ERG: variants seen among roughly 807,000 people sequenced by gnomAD.
The protein encoded by ERG is transcriptional regulator ERG.
Under a neutral mutation model 55.3 loss-of-function variants are expected in ERG, and 9 were observed. The ratio of observed to expected loss-of-function variants is 0.16; its 90% CI spans 0.10 to 0.28. The LOEUF (loss-of-function observed/expected upper bound fraction) is 0.28. Ranked by LOEUF, ERG falls within the 10% of genes least tolerant of loss-of-function variation. ERG has a pLI of 1.00. For synonymous variants in ERG, 223 were observed against 237.3 expected (o/e 0.94, Z 0.55); for missense variants, 434 against 631.6 (o/e 0.69, Z 3.35).
chr21:38,379,696 T>C (rs1987340067), downstream of ERG, among the ~76,000 whole-genome samples: 2 of 152,226 alleles, frequency 1.3e-5, no homozygotes, highest in African/African-American at 4.8e-5. Context: ...TAGAAAAGTT[T>C]ATCTAGTTGT....
intron 1 of ERG, among the ~76,000 whole-genome samples, chr21:38,661,349 C>G (rs2060555178): frequency 6.6e-6 from 1 of 152,218 alleles, no homozygotes. Context: ...GCGGACTGCC[C>G]TCGATGCTGA....
At position 38,594,652 on chromosome 21, in the gene ERG, G is replaced by C. The variant is rs538911147; in HGVS notation, c.-149-9707C>G. Reference sequence around the variant, plus strand: ...AGAAGAACTGGAATCATCTGAAGGAGAGGAAAATAGGGCATTTCAGCCTTG... The same window carrying C: ...AGAAGAACTGGAATCATCTGAAGGACAGGAAAATAGGGCATTTCAGCCTTG... On this transcript the variant is annotated intron_variant, in intron 1 of 10. Transcript: ENST00000398910. 2.5e-4 allele frequency among the ~76,000 whole-genome samples: 38 copies of C among 152,294 alleles called. No homozygotes were observed. The South Asian group carries it at 6.8e-3, about 27-fold the overall frequency.
At chr21:38,396,290 T>A (rs905780522) in intron 6 of ERG, among the ~76,000 whole-genome samples, 1 of 152,278 alleles carries the variant, frequency 6.6e-6, no homozygotes, top group Admixed American at 6.5e-5. Flanking sequence ...TTGCATTCCC[T>A]TCTTGCCTAG....
intron 2 of ERG, among the ~76,000 whole-genome samples, chr21:38,546,109 C>G (rs2059786317): frequency 6.6e-6 from 1 of 152,202 alleles, no homozygotes; most frequent in Non-Finnish European, 1.5e-5. Flanking sequence ...GTATGCAGCA[C>G]TTACTGTCAT....
chr21:38,613,904 G>A (rs2060243680), intron 1 of ERG, among the ~76,000 whole-genome samples: 1 of 152,096 alleles, frequency 6.6e-6, no homozygotes, highest in South Asian at 2.1e-4. Context: ...AGCCTCCTCA[G>A]GACACAAGGT....
At chr21:38,410,500 A>C (rs1204814726) in intron 3 of ERG, among the ~76,000 whole-genome samples, 1 of 152,252 alleles carries the variant, frequency 6.6e-6, no homozygotes, top group Non-Finnish European at 1.5e-5. Flanking sequence ...AAAAACAAAT[A>C]AAAGTAAACC....
At position 38,429,740 on chromosome 21, in the gene ERG, T is replaced by TACAC. The variant is rs761791259; in HGVS notation, c.237-6180_237-6179insGTGT. 2.3e-3 allele frequency among the ~76,000 whole-genome samples: 149 copies of TACAC among 65,214 alleles called. 1 individual carries two copies. The highest frequency in any genetic ancestry group is 9.8e-3 in the Middle Eastern group (1 of 102). The allele number at this position is 65,214 out of a possible 152,430, so 42.8% of individuals were successfully genotyped here. On this transcript the variant is annotated intron_variant, in intron 2 of 9. Coordinates refer to ENST00000288319, the MANE Select transcript of ERG (RefSeq NM_182918.4). The stretch of plus-strand genomic sequence containing the variant: ...ATATGTCTATATATATGTGTGTATA[T>TACAC]ATATATACACACACACACACACACC...
intron 1 of ERG, among the ~76,000 whole-genome samples, chr21:38,642,547 G>A (rs547088081): frequency 2.2e-4 from 33 of 152,234 alleles, no homozygotes; most frequent in African/African-American, 7.2e-4. Flanking sequence ...AGTCTCCAGC[G>A]TGAAGAACAA....
At chr21:38,593,164 G>A (rs2060111209) in intron 1 of ERG, among the ~76,000 whole-genome samples, 1 of 152,208 alleles carries the variant, frequency 6.6e-6, no homozygotes, top group Non-Finnish European at 1.5e-5. Flanking sequence ...CAGCAAAACA[G>A]CGCCATGTCC....
chr21:38,410,703 G>A (rs1292137567), intron 3 of ERG, among the ~76,000 whole-genome samples: 1 of 152,134 alleles, frequency 6.6e-6, no homozygotes, highest in Non-Finnish European at 1.5e-5. Context: ...CAGGCAAAGG[G>A]GCACTGCATC....
At chr21:38,411,308 T>A (rs1297198444) in intron 3 of ERG, among the ~76,000 whole-genome samples, 4 of 152,174 alleles carry the variant, frequency 2.6e-5, no homozygotes, top group African/African-American at 4.8e-5. Flanking sequence ...CTGTATGAAA[T>A]TAACATTTTA....
At chr21:38,474,994 A>T (rs2059174626) in intron 1 of ERG, among the ~76,000 whole-genome samples, 1 of 152,152 alleles carries the variant, frequency 6.6e-6, no homozygotes, top group Non-Finnish European at 1.5e-5. Context: ...AGCTACCATT[A>T]TGCCCATTTT....
intron 1 of ERG, among the ~76,000 whole-genome samples, chr21:38,483,914 T>TA (rs2059260512): frequency 6.6e-6 from 1 of 152,108 alleles, no homozygotes; most frequent in Admixed American, 6.5e-5. Flanking sequence ...GTGATTTTAA[T>TA]ATAGGGTGCC....
At chr21:38,397,784 G>A (rs573776267) in intron 6 of ERG, among the ~76,000 whole-genome samples, 4 of 152,080 alleles carry the variant, frequency 2.6e-5, no homozygotes, top group Admixed American at 6.6e-5. Flanking sequence ...GAAAGGGTGC[G>A]GAATGCTGTC....
At chr21:38,467,484 C>G (rs985264883) in intron 1 of ERG, among the ~76,000 whole-genome samples, 2 of 151,954 alleles carry the variant, frequency 1.3e-5, no homozygotes, top group Non-Finnish European at 2.9e-5. Context: ...GGTGCTTCTG[C>G]GGGTGTGGAG....
intron 2 of ERG, among the ~76,000 whole-genome samples, chr21:38,554,871 A>G (rs1453887116): frequency 2.0e-5 from 3 of 152,128 alleles, no homozygotes; most frequent in Admixed American, 6.6e-5. Flanking sequence ...ATCTCACATT[A>G]TACATCTAAA....
chr21:38,382,945 G>C lies in ERG; in HGVS notation c.*458C>G, dbSNP rs964243388. 9.4e-7 allele frequency: 1 copy of C among 1,067,152 alleles called. No individual in the cohort carries two copies. Among genetic ancestry groups the C allele is most frequent in the South Asian group, 4.5e-5 (1 of 21,984 alleles). The allele number at this position is 1,067,152 out of a possible 1,614,324, so 66.1% of individuals were successfully genotyped here. A position where few individuals can be genotyped will look rare whatever the true frequency, so the allele number is the denominator to read the frequency against. The stretch of plus-strand genomic sequence containing the variant: ...CTCTCGTGTCTTTTCTCTTGTTTTT[G>C]ATATGTTTCTATTTTTAAATACAGG... On this transcript the variant is annotated 3_prime_UTR_variant, in exon 10 of 10. Coordinates refer to ENST00000288319, the MANE Select transcript of ERG (RefSeq NM_182918.4).
At chr21:38,623,115 C>G (rs546138334) in intron 1 of ERG, among the ~76,000 whole-genome samples, 3 of 150,650 alleles carry the variant, frequency 2.0e-5, no homozygotes, top group Non-Finnish European at 4.4e-5. Flanking sequence ...TACACTCACA[C>G]GCACATCATG....
chr21:38,405,795 C>A (rs556514017), intron 3 of ERG, among the ~76,000 whole-genome samples: 4 of 152,272 alleles, frequency 2.6e-5, no homozygotes, highest in Admixed American at 2.6e-4. Flanking sequence ...GCACATCCAT[C>A]TTCAACTTGA....
Sources: allele counts gnomAD v4.1 joint callset (sites outside exome capture counted in the v4.1 genomes callset), GRCh38; gene constraint gnomAD v4.1.1; transcripts MANE v1.5; gene names NCBI Gene and HGNC (gene_info 2026-07-23, HGNC 2026-07-21).